The following B3GNT2 variants were observed in gnomAD, a reference collection of about 807,000 sequenced individuals.
B3GNT2 encodes the protein N-acetyllactosaminide beta-1,3-N-acetylglucosaminyltransferase 2.
A neutral mutation model predicts 27.6 loss-of-function variants in B3GNT2; 12 were observed. The observed-to-expected ratio is 0.44, with a 90% CI of 0.28 to 0.71. B3GNT2 has a LOEUF of 0.71. Ranked by LOEUF, B3GNT2 falls within the 30% of genes least tolerant of loss-of-function variation. The pLI, the probability that B3GNT2 is intolerant of heterozygous loss-of-function variation, is 0.17. For synonymous variants in B3GNT2, 192 were observed against 189.7 expected (o/e 1.01, Z -0.10); for missense variants, 413 against 488.5 (o/e 0.85, Z 1.46).
intron 1 of B3GNT2, among the ~76,000 whole-genome samples, chr2:62,200,043 G>C (rs904538488): frequency 6.6e-6 from 1 of 152,130 alleles, no homozygotes; most frequent in African/African-American, 2.4e-5. Flanking sequence ...AAAGTTATTT[G>C]TACTGAGTTT....
rs1674681201 is a variant in B3GNT2 at position 62,221,038 on chromosome 2, G to A, written c.-9-1174G>A. Among the ~76,000 whole-genome samples the A allele has an allele frequency of 2.6e-5, 4 of 152,312 alleles. No homozygotes were observed. The South Asian group carries it at 8.3e-4, about 32-fold the overall frequency. On this transcript the variant is annotated intron_variant, in intron 1 of 1. Coordinates refer to ENST00000301998, the MANE Select transcript of B3GNT2 (RefSeq NM_006577.6). ...TTTGACATATGCATACATCCGTGGA[G>A]CCTTCATCAGGATCAAGACCTACAT...
rs116408883 is a variant in B3GNT2 at position 62,202,993 on chromosome 2, T to C, written c.-10+6638T>C. 8.6e-3 allele frequency among the ~76,000 whole-genome samples: 1,313 copies of C among 152,290 alleles called. 16 individuals carry two copies. The highest frequency in any genetic ancestry group is 0.03 in the African/African-American group (1,244 of 41,566). ...TTCTCTGAGAGGAGGTTTTCTCTGA[T>C]CACCCGGCATAAAGCAGCCTTTCCT... On this transcript the variant is annotated intron_variant, in intron 1 of 1. Transcript: ENST00000301998.
chr2:62,219,324 G>GT (rs1461109537), intron 1 of B3GNT2, among the ~76,000 whole-genome samples: 2 of 152,306 alleles, frequency 1.3e-5, no homozygotes, highest in African/African-American at 2.4e-5. Flanking sequence ...AGTATGTGCT[G>GT]TTTTTTCCTG....
rs773173323 is a variant in B3GNT2, at chr2:62,222,679, A to C, written c.459A>C (p.Pro153=). The C allele has an allele frequency of 1.9e-5, 30 of 1,614,112 alleles. No homozygotes were observed. The African/African-American group carries it at 1.9e-4, about 10-fold the overall frequency. ...FLLLAIKSLT[P]HFARRQAIRE... ...TGCTGGCGATTAAGTCCCTCACTCC[A>C]CATTTTGCCAGAAGGCAAGCAATCC... Residue 153 remains proline (P), a synonymous_variant, in exon 2 of 2, where the codon CCA becomes CCC. Coordinates refer to ENST00000301998, the MANE Select transcript of B3GNT2 (RefSeq NM_006577.6). The surrounding 1 kb of genome is among the most constrained non-coding windows in gnomAD (Gnocchi z 4.2).
intron 1 of B3GNT2, among the ~76,000 whole-genome samples, chr2:62,208,099 T>C (rs986846325): frequency 9.2e-5 from 14 of 152,206 alleles, no homozygotes; most frequent in African/African-American, 3.1e-4. Context: ...CATTTTACTA[T>C]GTAAAATGAC....
chr2:62,213,603 A>AG (rs915855286), intron 1 of B3GNT2, among the ~76,000 whole-genome samples: 1 of 152,114 alleles, frequency 6.6e-6, no homozygotes, highest in African/African-American at 2.4e-5. Flanking sequence ...GTGGGAAATG[A>AG]GGGGGCGGCT....
chr2:62,212,636 T>G (rs972930466), intron 1 of B3GNT2, among the ~76,000 whole-genome samples: 8 of 151,608 alleles, frequency 5.3e-5, no homozygotes, highest in Non-Finnish European at 1.0e-4. Flanking sequence ...TTGGTGACTG[T>G]GGGGGATCTC....
rs1310752247 is a variant in B3GNT2 at position 62,224,658 on chromosome 2, A to T, written c.*1244A>T. 6.0e-6 allele frequency: 1 copy of T among 167,114 alleles called. No homozygotes were observed. The highest frequency in any genetic ancestry group is 1.5e-5 in the Non-Finnish European group (1 of 68,114). 10.4% of individuals were successfully genotyped at this position (167,114 alleles called of 1,614,324 possible). On this transcript the variant is annotated 3_prime_UTR_variant, in exon 2 of 2. Transcript: ENST00000301998. The stretch of plus-strand genomic sequence containing the variant: ...ATACTTTCTTGAAATATTTTTGTTT[A>T]TAGAATTGAAGGTTCTTATCAGATG...
In B3GNT2 at chr2:62,223,142, G is replaced by C; in HGVS notation, c.922G>C (p.Gly308Arg). The C allele has an allele frequency of 6.2e-7, 1 of 1,614,172 alleles. No homozygotes were observed. Among genetic ancestry groups the C allele is most frequent in the Non-Finnish European group, 8.5e-7 (1 of 1,180,042 alleles). The change falls in exon 2 of 2, where the codon GGG becomes CGG. Residue 308 changes from glycine to arginine, a missense_variant. By Grantham distance (125) the Gly-to-Arg change is moderately radical. Coordinates refer to ENST00000301998, the MANE Select transcript of B3GNT2 (RefSeq NM_006577.6). ...CTACCCACCCTATGCAGGGGGAGGG[G>C]GGTTCCTCTACTCCGGCCACCTGGC... ...GLYPPYAGGGGFLYSGHLALR... is the reference protein window; with the variant it reads ...GLYPPYAGGGRFLYSGHLALR...
intron 1 of B3GNT2, among the ~76,000 whole-genome samples, chr2:62,211,802 A>C (rs1406459450): frequency 6.6e-6 from 1 of 151,910 alleles, no homozygotes; most frequent in Non-Finnish European, 1.5e-5. Flanking sequence ...GCCGTACCCC[A>C]TGTCTTGCCT....
chr2:62,222,732 C>T lies in B3GNT2; in HGVS notation c.512C>T (p.Ala171Val). The part of the protein sequence containing the change: ...IRESWGQESN[A>V]GNQTVVRVFL... ...GAATCCTGGGGCCAAGAAAGCAACG[C>T]AGGGAACCAAACGGTGGTGCGAGTC... The change falls in exon 2 of 2, where the codon GCA (alanine) becomes GTA (valine). Residue 171 changes from alanine to valine, a missense_variant. By Grantham distance (64) the Ala-to-Val change is moderately conservative. Transcript: ENST00000301998. This position sits in a 1 kb window ranked among gnomAD's most constrained non-coding sequence, Gnocchi z 4.2. The T allele has an allele frequency of 6.2e-7, 1 of 1,614,234 alleles. No homozygotes were observed. The highest frequency in any genetic ancestry group is 8.5e-7 in the Non-Finnish European group (1 of 1,180,038).
At chr2:62,199,128 A>G (rs1674213291) in intron 1 of B3GNT2, among the ~76,000 whole-genome samples, 1 of 152,196 alleles carries the variant, frequency 6.6e-6, no homozygotes. Context: ...TTTAGTAGAG[A>G]CAGGGTTTCA....
At chr2:62,205,584 A>AGCTGGTTTGCTTCTTT (rs1674356325) in intron 1 of B3GNT2, among the ~76,000 whole-genome samples, 2 of 152,210 alleles carry the variant, frequency 1.3e-5, no homozygotes, top group South Asian at 2.1e-4. Flanking sequence ...TGGAGCAGGG[A>AGCTGGTTTGCTTCTTT]GCTGGTTTGC....
At chr2:62,205,570 G>A (rs190311450) in intron 1 of B3GNT2, among the ~76,000 whole-genome samples, 2 of 152,368 alleles carry the variant, frequency 1.3e-5, no homozygotes, top group East Asian at 3.9e-4. Context: ...ACAGGAATCC[G>A]AGATGGAGCA....
At chr2:62,216,661 C>G (rs970728530) in intron 1 of B3GNT2, among the ~76,000 whole-genome samples, 8 of 152,114 alleles carry the variant, frequency 5.3e-5, no homozygotes, top group African/African-American at 1.9e-4. Flanking sequence ...ACCCTGGCTT[C>G]CTAAAGTGTT....
At chr2:62,207,250 G>C (rs1674393215) in intron 1 of B3GNT2, among the ~76,000 whole-genome samples, 1 of 151,986 alleles carries the variant, frequency 6.6e-6, no homozygotes, top group Non-Finnish European at 1.5e-5. Context: ...CACGATCTGG[G>C]TACACCGCAA....
intron 1 of B3GNT2, among the ~76,000 whole-genome samples, chr2:62,213,662 G>A (rs1375543614): frequency 6.6e-6 from 1 of 152,108 alleles, no homozygotes; most frequent in Non-Finnish European, 1.5e-5. Context: ...CCACCCTCAC[G>A]TCTAACATGG....
intron 1 of B3GNT2, among the ~76,000 whole-genome samples, chr2:62,203,629 C>A (rs1414444034): frequency 6.6e-6 from 1 of 152,004 alleles, no homozygotes; most frequent in East Asian, 1.9e-4. Context: ...TTGGGAGGGT[C>A]AAGGCAGGAC....
At chr2:62,209,183 T>A (rs1426393682) in intron 1 of B3GNT2, among the ~76,000 whole-genome samples, 1 of 152,148 alleles carries the variant, frequency 6.6e-6, no homozygotes, top group African/African-American at 2.4e-5. Flanking sequence ...TTTATGTTGA[T>A]AGCCCAGAAT....
Sources: gnomAD v4.1 joint callset for allele counts (sites outside exome capture counted in the v4.1 genomes callset) on GRCh38, gnomAD v4.1.1 for gene constraint, Gnocchi (gnomAD v3.1) non-coding constraint, MANE v1.5 for transcripts, NCBI Gene and HGNC (gene_info 2026-07-23, HGNC 2026-07-21) for gene names.